KDM2B: variants seen among roughly 807,000 people sequenced by gnomAD.
The protein encoded by KDM2B is lysine-specific demethylase 2B.
Under a neutral mutation model 150.0 loss-of-function variants are expected in KDM2B, and 26 were observed. The observed-to-expected ratio is 0.17, with a 90% CI of 0.13 to 0.24. The LOEUF is 0.24. Among genes scored for constraint, KDM2B ranks in the 10% least tolerant of loss-of-function variants. The probability of loss-of-function intolerance (pLI) is 1.00; values close to 1 mark genes in which losing one functional copy is unlikely to be tolerated. For missense variants in KDM2B, 1,265 were observed against 1,816.9 expected (o/e 0.70, Z 5.52); for synonymous variants, 734 against 729.5 (o/e 1.01, Z -0.10).
intron 4 of KDM2B, among the ~76,000 whole-genome samples, chr12:121,562,324 A>T (rs2136274403): frequency 6.6e-6 from 1 of 150,432 alleles, no homozygotes; most frequent in East Asian, 1.9e-4. Flanking sequence ...CTCTACTAAA[A>T]ATACAAAAAA....
rs924047839 is a variant in KDM2B, at chr12:121,429,723, G to C, written c.*565C>G. 3 of 438,542 alleles carry C rather than the reference G, an allele frequency of 6.8e-6. No individual in the cohort carries two copies. Among genetic ancestry groups the C allele is most frequent in the Non-Finnish European group, 1.2e-5 (3 of 248,572 alleles). 27.2% of individuals were successfully genotyped at this position (438,542 alleles called of 1,614,324 possible). On this transcript the variant is annotated 3_prime_UTR_variant, in exon 23 of 23. Transcript: ENST00000377071. ...CACGTTAAATTCTCTCCTACCTTAA[G>C]GAAATCAGGAAAATTGGCAATCTCA... is the stretch of plus-strand genomic sequence containing the variant.
At chr12:121,459,507 C>CAA (rs142388117) in intron 12 of KDM2B, among the ~76,000 whole-genome samples, 1 of 151,856 alleles carries the variant, frequency 6.6e-6, no homozygotes, top group East Asian at 1.9e-4. Flanking sequence ...GCACAGGTGT[C>CAA]AAAAAAAAGA....
intron 22 of KDM2B, among the ~76,000 whole-genome samples, chr12:121,435,482 T>G (rs1232245400): frequency 6.6e-6 from 1 of 152,168 alleles, no homozygotes; most frequent in Non-Finnish European, 1.5e-5. Flanking sequence ...GGAAGTGACA[T>G]GTACATTGGA....
Position 121,467,840 on chromosome 12 carries a change from A to G in KDM2B, c.1735-14496T>C, listed in dbSNP as rs894736388. 1.5e-4 allele frequency: 23 copies of G among 152,172 alleles called. No homozygotes were observed. Among genetic ancestry groups the G allele is most frequent in the African/African-American group, 4.6e-4 (19 of 41,504 alleles). 9.4% of individuals were successfully genotyped at this position (152,172 alleles called of 1,614,324 possible). A position where few individuals can be genotyped will look rare whatever the true frequency, so the allele number is the denominator to read the frequency against. ...CAGGCACACGGGCTGCCGGGTTTGCACTCGCTGCAGGACCAGGACCTGAAG... is the reference window on the plus strand; with the variant it reads ...CAGGCACACGGGCTGCCGGGTTTGCGCTCGCTGCAGGACCAGGACCTGAAG... On this transcript the variant is annotated intron_variant, in intron 12 of 22. Coordinates refer to ENST00000377071, the MANE Select transcript of KDM2B (RefSeq NM_032590.5). This position sits in a 1 kb window ranked among gnomAD's most constrained non-coding sequence, Gnocchi z 5.1.
intron 22 of KDM2B, among the ~76,000 whole-genome samples, chr12:121,433,427 C>G (rs782270347): frequency 2.0e-5 from 3 of 152,168 alleles, no homozygotes; most frequent in Non-Finnish European, 4.4e-5. Context: ...ACTACTTTGC[C>G]CAGGCTGGTC....
intron 11 of KDM2B, among the ~76,000 whole-genome samples, chr12:121,506,802 G>C (rs1479230600): frequency 6.6e-6 from 1 of 152,166 alleles, no homozygotes; most frequent in African/African-American, 2.4e-5. Flanking sequence ...CGGGTGTGGT[G>C]GCGCATGCCT....
chr12:121,444,569 G>A (rs3817550), intron 14 of KDM2B, 33 bp from the exon 15 acceptor site: 27,863 of 1,590,804 alleles, frequency 0.018, 637 homozygotes, highest in East Asian at 0.12. Flanking sequence ...GAAGAGGGAC[G>A]GGCGGAGAAG....
rs1875412838 is a variant in KDM2B, at chr12:121,442,903, C to T, written c.2605-67G>A. The T allele has an allele frequency of 7.0e-6, 11 of 1,561,930 alleles. No homozygotes were observed. Among genetic ancestry groups the T allele is most frequent in the Middle Eastern group, 1.9e-4 (1 of 5,340 alleles). On this transcript the variant is annotated intron_variant, in intron 18 of 22. Transcript: ENST00000377071. This position sits in a 1 kb window ranked among gnomAD's most constrained non-coding sequence, Gnocchi z 7.7. The stretch of plus-strand genomic sequence containing the variant: ...GGCTGCGCCCGCCCAAGGCCTCCCG[C>T]CCCCCTGCCACGGGACTGTGGCCCA...
chr12:121,553,912 G>T (rs1218294839), intron 4 of KDM2B, among the ~76,000 whole-genome samples: 1 of 152,054 alleles, frequency 6.6e-6, no homozygotes, highest in Non-Finnish European at 1.5e-5. Flanking sequence ...GTGAATTGTG[G>T]CCGGCCTTGG....
At chr12:121,525,834 T>C (rs1328622720) in intron 8 of KDM2B, among the ~76,000 whole-genome samples, 2 of 152,214 alleles carry the variant, frequency 1.3e-5, no homozygotes, top group African/African-American at 2.4e-5. Flanking sequence ...CTTTCTAGAA[T>C]GCAAGGATGG....
At chr12:121,542,236 A>G (rs932547600) in intron 6 of KDM2B, among the ~76,000 whole-genome samples, 3 of 152,234 alleles carry the variant, frequency 2.0e-5, no homozygotes, top group African/African-American at 7.2e-5. Flanking sequence ...GCCTCCTGCC[A>G]ACAGCCACGG....
In KDM2B at chr12:121,467,405, G is replaced by A. The variant is rs1880192914; in HGVS notation, c.1735-14061C>T. 2.1e-6 allele frequency: 2 copies of A among 941,666 alleles called. No individual in the cohort carries two copies. The highest frequency in any genetic ancestry group is 1.8e-5 in the African/African-American group (1 of 55,942). 58.3% of individuals were successfully genotyped at this position (941,666 alleles called of 1,614,324 possible). On this transcript the variant is annotated intron_variant, in intron 12 of 22. Coordinates refer to ENST00000377071, the MANE Select transcript of KDM2B (RefSeq NM_032590.5). The surrounding 1 kb of genome is among the most constrained non-coding windows in gnomAD (Gnocchi z 5.1). Reference sequence around the variant, plus strand: ...GAGGGGGCGGGGAGGGGCCGGCGGGGGAGGGCCGGGGCGCCATGCATATGC... The same window carrying A: ...GAGGGGGCGGGGAGGGGCCGGCGGGAGAGGGCCGGGGCGCCATGCATATGC...
At chr12:121,416,611 T>TTG in the KDM2B span, 2 of 410,846 alleles carry the variant, frequency 4.9e-6, no homozygotes, top group Non-Finnish European at 8.8e-6. Context: ...TTTGACCTGT[T>TTG]TGTATCATTT....
At chr12:121,514,254 C>CT (rs1555304534) in intron 9 of KDM2B, among the ~76,000 whole-genome samples, 4 of 152,156 alleles carry the variant, frequency 2.6e-5, no homozygotes, top group Non-Finnish European at 5.9e-5. Flanking sequence ...GCTGGGACTA[C>CT]TGGCGCGCGC....
Position 121,440,784 on chromosome 12 carries a change from C to T in KDM2B, c.3610+32G>A, listed in dbSNP as rs199995335. ...CCAACAGTCTAGCTCGCTCACCCCA[C>T]CCCCACAGAAACCCCCAGCCTGGCA... On this transcript the variant is annotated intron_variant, in intron 21 of 22. Coordinates refer to ENST00000377071, the MANE Select transcript of KDM2B (RefSeq NM_032590.5). The T allele has an allele frequency of 2.9e-5, 46 of 1,578,470 alleles. No individual in the cohort carries two copies. The East Asian group carries it at 9.9e-4, about 34-fold the overall frequency.
intron 12 of KDM2B, among the ~76,000 whole-genome samples, chr12:121,454,285 A>C (rs1184172811): frequency 6.6e-6 from 1 of 152,188 alleles, no homozygotes; most frequent in African/African-American, 2.4e-5. Flanking sequence ...AACAAACCAG[A>C]GCCACCCCAG....
intron 4 of KDM2B, among the ~76,000 whole-genome samples, chr12:121,564,505 G>A (rs1890561646): frequency 1.3e-5 from 2 of 152,048 alleles, no homozygotes; most frequent in Admixed American, 1.3e-4. Flanking sequence ...CATAAAGATT[G>A]GAAAGAAGAA....
At chr12:121,441,341 A>C in intron 19 of KDM2B, 108 bp from the exon 20 acceptor site, 1 of 1,082,722 alleles carries the variant, frequency 9.2e-7, no homozygotes, top group Non-Finnish European at 1.3e-6. Flanking sequence ...AGGCTCCTTA[A>C]CTCAGCGCTC....
intron 13 of KDM2B, among the ~76,000 whole-genome samples, chr12:121,449,533 A>C (rs1160377007): frequency 6.6e-6 from 1 of 152,154 alleles, no homozygotes; most frequent in African/African-American, 2.4e-5. Context: ...CAGGCACCAG[A>C]GCTGCAAAGA....
Sources: allele counts gnomAD v4.1 joint callset (sites outside exome capture counted in the v4.1 genomes callset), GRCh38; gene constraint gnomAD v4.1.1; non-coding constraint Gnocchi (gnomAD v3.1); transcripts MANE v1.5; gene names NCBI Gene and HGNC (gene_info 2026-07-23, HGNC 2026-07-21).